Variants in MGAT5B observed in about 807,000 individuals in gnomAD.
MGAT5B encodes the protein alpha-1,6-mannosylglycoprotein 6-beta-N-acetylglucosaminyltransferase B, also known as N-acetylglucosaminyl-transferase Vb.
A neutral mutation model predicts 95.1 loss-of-function variants in MGAT5B; 54 were observed. The ratio of observed to expected loss-of-function variants is 0.57; its 90% confidence interval spans 0.46 to 0.71. The LOEUF is 0.71. Ranked by LOEUF, MGAT5B falls within the 30% of genes least tolerant of loss-of-function variation. MGAT5B has a pLI of 0.00. For missense variants in MGAT5B, 935 were observed against 1,088.6 expected, an observed-to-expected ratio of 0.86 and a Z score of 1.99; for synonymous variants, 464 against 451.0, an observed-to-expected ratio of 1.03 and a Z score of -0.36.
chr17:76,898,155 T>C (rs955639883), intron 3 of MGAT5B, among the ~76,000 whole-genome samples: 3 of 152,154 alleles, frequency 2.0e-5, no homozygotes, highest in Admixed American at 2.0e-4. Context: ...TATGGACAGA[T>C]TCGCCTACCA....
chr17:76,928,447 C>T (rs947257865), intron 10 of MGAT5B, among the ~76,000 whole-genome samples: 1 of 152,134 alleles, frequency 6.6e-6, no homozygotes. Context: ...TGGCTCACAC[C>T]TGTAATCCCA....
At position 76,868,916 on chromosome 17, in the gene MGAT5B, G is replaced by A. The variant is rs535829731; in HGVS notation, c.-114G>A. 1 of 989,020 alleles carries A rather than the reference G, an allele frequency of 1.0e-6. No homozygotes were observed. The highest frequency in any genetic ancestry group is 1.5e-6 in the Non-Finnish European group (1 of 675,180). The allele number at this position is 989,020 out of a possible 1,614,324, so 61.3% of individuals were successfully genotyped here. On this transcript the variant is annotated 5_prime_UTR_variant, in exon 1 of 18. Coordinates refer to ENST00000569840, the MANE Select transcript of MGAT5B (RefSeq NM_001199172.2). The surrounding 1 kb of genome is among the most constrained non-coding windows in gnomAD (Gnocchi z 6.3). ...CACCGGGCCGCGCGCTCCCAGCTTC[G>A]CTCGGACGCGGCTTCGGCCCGCAGA...
chr17:76,947,464 G>T (rs1489904075), intron 16 of MGAT5B, among the ~76,000 whole-genome samples: 1 of 152,118 alleles, frequency 6.6e-6, no homozygotes, highest in African/African-American at 2.4e-5. Context: ...CCAGCCTGGG[G>T]CCCTGTCCCC....
rs146387560 is a variant in MGAT5B, at chr17:76,890,175, T to C, written c.329+7877T>C. Among the ~76,000 whole-genome samples, 594 of 152,240 alleles carry C rather than the reference T, an allele frequency of 3.9e-3. 6 individuals are homozygous for C. Among genetic ancestry groups the C allele is most frequent in the African/African-American group, 0.014 (563 of 41,550 alleles). On this transcript the variant is annotated intron_variant, in intron 3 of 17. Transcript: ENST00000569840. The stretch of plus-strand genomic sequence containing the variant: ...AGTGGTGGATCTCAGGGTCACCCCC[T>C]CAGAAGGGGCTGCAGTCCTGTCCTC...
chr17:76,924,708 C>T (rs1969241589), intron 8 of MGAT5B, among the ~76,000 whole-genome samples: 1 of 152,172 alleles, frequency 6.6e-6, no homozygotes, highest in Non-Finnish European at 1.5e-5. Flanking sequence ...CAAAAGGTGC[C>T]CCTTCTTCCT....
intron 15 of MGAT5B, 96 bp from the exon 16 acceptor site, chr17:76,946,280 G>A (rs750877410): frequency 1.1e-5 from 11 of 1,033,576 alleles, no homozygotes; most frequent in Non-Finnish European, 1.6e-5. Context: ...CAGGATGTGA[G>A]AGCCCACCAG....
At chr17:76,898,332 ATTTTTTT>A (rs1056312668) in intron 3 of MGAT5B, among the ~76,000 whole-genome samples, 47 of 65,072 alleles carry the variant, frequency 7.2e-4, no homozygotes, top group African/African-American at 1.8e-4. Context: ...TAATCTTTTT[ATTTTTTT>A]TTTTTTTTGA....
chr17:76,891,253 C>T (rs1967857122), intron 3 of MGAT5B, among the ~76,000 whole-genome samples: 1 of 152,082 alleles, frequency 6.6e-6, no homozygotes, highest in Non-Finnish European at 1.5e-5. Flanking sequence ...GTGTGCACCA[C>T]TGTGCCCAGT....
chr17:76,870,136 C>A lies in MGAT5B; in HGVS notation c.68+1039C>A, dbSNP rs1245416893. Among the ~76,000 whole-genome samples, 1 of 152,198 alleles carries A rather than the reference C, an allele frequency of 6.6e-6. No individual in the cohort carries two copies. The highest frequency in any genetic ancestry group is 2.4e-5 in the African/African-American group (1 of 41,458). On this transcript the variant is annotated intron_variant, in intron 1 of 17. Coordinates refer to ENST00000569840, the MANE Select transcript of MGAT5B (RefSeq NM_001199172.2). This position sits in a 1 kb window ranked among gnomAD's most constrained non-coding sequence, Gnocchi z 5.0. The stretch of plus-strand genomic sequence containing the variant: ...GCTTGCAGGGGCCCTGAACTCTTGC[C>A]CTCCAGGTCTCGGCCCAGCCCCACT...
rs1490470407 is a variant in MGAT5B, at chr17:76,917,853, C to A, written c.1026-7113C>A. On this transcript the variant is annotated intron_variant, in intron 8 of 17. Coordinates refer to ENST00000569840, the MANE Select transcript of MGAT5B (RefSeq NM_001199172.2). This position sits in a 1 kb window ranked among gnomAD's most constrained non-coding sequence, Gnocchi z 6.1. ...GGGACCCTCGGGGTGGCCTGAGCAC[C>A]AGGAGCTAAAGCCTGGATGAGAAAA... Among the ~76,000 whole-genome samples, 1 of 152,178 alleles carries A rather than the reference C, an allele frequency of 6.6e-6. No individual in the cohort carries two copies. Among genetic ancestry groups the A allele is most frequent in the African/African-American group, 2.4e-5 (1 of 41,442 alleles).
intron 12 of MGAT5B, among the ~76,000 whole-genome samples, chr17:76,937,024 T>C (rs138097028): frequency 8.6e-4 from 131 of 151,802 alleles, no homozygotes; most frequent in Middle Eastern, 3.4e-3. Context: ...TTTTTTGAGT[T>C]CTGGAAAATG....
chr17:76,946,367 C>G lies in MGAT5B; in HGVS notation c.1849-9C>G. Reference sequence around the variant, plus strand: ...TCCCGCCCCATGTGTCTGCCCATCCCTCCCACAGGTAGACCCCTACCTACC... The same window carrying G: ...TCCCGCCCCATGTGTCTGCCCATCCGTCCCACAGGTAGACCCCTACCTACC... On this transcript the variant is annotated splice_polypyrimidine_tract_variant and intron_variant, in intron 15 of 17. Transcript: ENST00000569840. 1 of 1,605,138 alleles carries G rather than the reference C, an allele frequency of 6.2e-7. No individual in the cohort carries two copies. Among genetic ancestry groups the G allele is most frequent in the Non-Finnish European group, 8.5e-7 (1 of 1,175,344 alleles).
intron 3 of MGAT5B, among the ~76,000 whole-genome samples, chr17:76,892,878 G>A (rs1424190124): frequency 1.3e-5 from 2 of 152,170 alleles, no homozygotes; most frequent in Non-Finnish European, 1.5e-5. Flanking sequence ...AAGCTGAGGT[G>A]GCATGTCCCA....
At position 76,906,335 on chromosome 17, in the gene MGAT5B, G is replaced by T. The variant is rs139736683; in HGVS notation, c.1025+148G>T. ...ACCCTGGGAGACATCCTGGTGTTCC[G>T]CAGGACATCACCACTCCTAATCCCC... On this transcript the variant is annotated intron_variant, in intron 8 of 17. Coordinates refer to ENST00000569840, the MANE Select transcript of MGAT5B (RefSeq NM_001199172.2). This position sits in a 1 kb window ranked among gnomAD's most constrained non-coding sequence, Gnocchi z 4.6. 3 of 700,574 alleles carry T rather than the reference G, an allele frequency of 4.3e-6. No homozygotes were observed. Among genetic ancestry groups the T allele is most frequent in the Non-Finnish European group, 6.8e-6 (3 of 443,606 alleles). 43.4% of individuals were successfully genotyped at this position (700,574 alleles called of 1,614,324 possible). A position where few individuals can be genotyped will look rare whatever the true frequency, so the allele number is the denominator to read the frequency against.
chr17:76,911,708 G>A (rs1014422835), intron 8 of MGAT5B, among the ~76,000 whole-genome samples: 1 of 152,238 alleles, frequency 6.6e-6, no homozygotes, highest in African/African-American at 2.4e-5. Flanking sequence ...ATTCCCTGCT[G>A]GGGCCTCTCT....
chr17:76,886,642 C>T (rs117905457), intron 3 of MGAT5B, among the ~76,000 whole-genome samples: 3 of 152,168 alleles, frequency 2.0e-5, no homozygotes, highest in East Asian at 1.9e-4. Flanking sequence ...TGGCTGAGCC[C>T]GAGGGAGGTG....
At position 76,905,252 on chromosome 17, in the gene MGAT5B, C is replaced by T. The variant is rs750904937; in HGVS notation, c.774C>T (p.Thr258=). Residue 258 remains threonine (T), a synonymous_variant, in exon 7 of 18, where the codon ACC becomes ACT. Coordinates refer to ENST00000569840, the MANE Select transcript of MGAT5B (RefSeq NM_001199172.2). This position sits in a 1 kb window ranked among gnomAD's most constrained non-coding sequence, Gnocchi z 4.2. ...CCCTGATCTTCATGAAGAAGCGGAC[C>T]AAGAGGCTCACAGCCCAGTGGGCGC... is the stretch of plus-strand genomic sequence containing the variant. The part of the protein sequence containing the change: ...KESLIFMKKR[T]KRLTAQWALA... 1.2e-6 allele frequency: 2 copies of T among 1,613,082 alleles called. No homozygotes were observed. The highest frequency in any genetic ancestry group is 1.7e-5 in the Admixed American group (1 of 59,992).
chr17:76,888,225 G>A (rs560006373), intron 3 of MGAT5B, among the ~76,000 whole-genome samples: 1 of 152,100 alleles, frequency 6.6e-6, no homozygotes. Context: ...AGGGTGGGGA[G>A]CTCTGGATGG....
chr17:76,947,459 C>T (rs1017618596), intron 16 of MGAT5B, among the ~76,000 whole-genome samples: 1 of 152,158 alleles, frequency 6.6e-6, no homozygotes, highest in African/African-American at 2.4e-5. Context: ...CACAGCCAGC[C>T]TGGGGCCCTG....
Sources: gnomAD v4.1 joint callset for allele counts (sites outside exome capture counted in the v4.1 genomes callset) on GRCh38, gnomAD v4.1.1 for gene constraint, Gnocchi (gnomAD v3.1) non-coding constraint, MANE v1.5 for transcripts, NCBI Gene and HGNC (gene_info 2026-07-23, HGNC 2026-07-21) for gene names.